Variants in FAAP100 observed in about 807,000 individuals in gnomAD.
FAAP100 encodes FA core complex associated protein 100.
Under a neutral mutation model 65.8 loss-of-function variants are expected in FAAP100, and 46 were observed. The ratio of observed to expected loss-of-function variants is 0.70; its 90% CI spans 0.55 to 0.89. The LOEUF (loss-of-function observed/expected upper bound fraction) is 0.89. Ranked by LOEUF, FAAP100 falls within the 40% of genes least tolerant of loss-of-function variation. The pLI, the probability that FAAP100 is intolerant of heterozygous loss-of-function variation, is 0.00. For missense variants in FAAP100, 1,165 were observed against 1,196.7 expected (o/e 0.97, Z 0.39); for synonymous variants, 663 against 555.1 (o/e 1.19, Z -2.73).
chr17:81,550,926 C>T lies in FAAP100; in HGVS notation c.568G>A (p.Ala190Thr), dbSNP rs1372429241. The change falls in exon 3 of 9, where the codon GCC becomes ACC. Residue 190 changes from alanine (A) to threonine (T), a missense_variant. By Grantham distance (58) the Ala-to-Thr change is moderately conservative. Transcript: ENST00000327787. ...PPAGVPGKPA[A>T]PHFLPVLCSV... ...CACAGCACTGGAAGGAAGTGGGGGG[C>T]TGCAGGCTTTCCTGGGACCCCGGCT... The T allele has an allele frequency of 6.2e-7, 1 of 1,612,408 alleles. No individual in the cohort carries two copies. The highest frequency in any genetic ancestry group is 8.5e-7 in the Non-Finnish European group (1 of 1,179,782).
rs1327864092 is a variant in FAAP100, at chr17:81,540,900, A to G, written c.2565T>C (p.Asp855=). ...QTLRDRLCTE[D]EASSCATAQR... ...GGGCGGTGGCACAGGAGCTGGCCTC[A>G]TCCTCCGTGCAGAGCCGGTCGCGCA... The change falls in exon 9 of 9, where the codon GAT becomes GAC. Residue 855 remains aspartate, a synonymous_variant. Transcript: ENST00000327787. 7 of 1,589,798 alleles carry G rather than the reference A, an allele frequency of 4.4e-6. No homozygotes were observed. The highest frequency in any genetic ancestry group is 6.0e-6 in the Non-Finnish European group (7 of 1,172,428).
At chr17:81,541,437 C>CA in intron 7 of FAAP100, 42 bp from the exon 8 acceptor site, 1 of 1,511,244 alleles carries the variant, frequency 6.6e-7, no homozygotes, top group Non-Finnish European at 9.1e-7. Flanking sequence ...TGTGCCCCAG[C>CA]ACCTGCCCCC....
At chr17:81,541,723 C>T (rs559386959) in intron 7 of FAAP100, among the ~76,000 whole-genome samples, 17 of 152,318 alleles carry the variant, frequency 1.1e-4, no homozygotes, top group Non-Finnish European at 1.3e-4. Flanking sequence ...TTCTCCCATC[C>T]TGGGCTTCAG....
At chr17:81,544,789 C>A (rs11870015) in intron 6 of FAAP100, among the ~76,000 whole-genome samples, 95,019 of 152,158 alleles carry the variant, frequency 0.62, 30,290 homozygotes, top group South Asian at 0.71. Context: ...ACCGACCTGC[C>A]GGGCCACCAA....
At position 81,552,322 on chromosome 17, in the gene FAAP100, G is replaced by A; in HGVS notation, c.9C>T (p.Gly3=). The A allele has an allele frequency of 3.6e-6, 5 of 1,392,662 alleles. No individual in the cohort carries two copies. Among genetic ancestry groups the A allele is most frequent in the South Asian group, 1.6e-5 (1 of 63,680 alleles). 86.3% of individuals were successfully genotyped at this position (1,392,662 alleles called of 1,614,324 possible). MA[G]AAPRVRYLAG... ...CCAGGTAGCGGACCCGCGGCGCGGC[G>A]CCGGCCATCGTGCGCGCGGGCCCGT... The change falls in exon 1 of 9, where the codon GGC becomes GGT. Residue 3 remains glycine (G), a synonymous_variant. Transcript: ENST00000327787.
In FAAP100 at chr17:81,540,470, C is replaced by T. The variant is rs1272162260; in HGVS notation, c.*349G>A. On this transcript the variant is annotated 3_prime_UTR_variant, in exon 9 of 9. Transcript: ENST00000327787. The stretch of plus-strand genomic sequence containing the variant: ...GGCCCTCCGGGTCCAGAATGCCCTG[C>T]ACTGCCTCCTGGCCTCAGGGGCTGC... 13 of 407,514 alleles carry T rather than the reference C, an allele frequency of 3.2e-5. No individual in the cohort carries two copies. The highest frequency in any genetic ancestry group is 2.3e-4 in the African/African-American group (11 of 48,856). The allele number at this position is 407,514 out of a possible 1,614,324, so 25.2% of individuals were successfully genotyped here.
chr17:81,544,866 T>C (rs1488264258), intron 6 of FAAP100, among the ~76,000 whole-genome samples: 11 of 152,304 alleles, frequency 7.2e-5, no homozygotes, highest in Non-Finnish European at 7.3e-5. Context: ...GGCCGAGGCT[T>C]GATTCCAAGT....
chr17:81,549,332 T>C lies in FAAP100; in HGVS notation c.1277A>G (p.Lys426Arg). ...GGTKLLALSAKGRLMTCSLDL... is the reference protein window; with the variant it reads ...GGTKLLALSARGRLMTCSLDL... ...CAGGCTGCAGGTCATCAGGCGGCCT[T>C]TGGCGGACAGGGCCAGGAGCTTGGT... The change falls in exon 4 of 9, where the codon AAA (lysine) becomes AGA (arginine). Residue 426 changes from lysine (K) to arginine (R), a missense_variant. Physicochemically the swap from Lys to Arg is conservative, Grantham distance 26. Coordinates refer to ENST00000327787, the MANE Select transcript of FAAP100 (RefSeq NM_025161.6). 1 of 1,611,788 alleles carries C rather than the reference T, an allele frequency of 6.2e-7. No homozygotes were observed. The highest frequency in any genetic ancestry group is 8.5e-7 in the Non-Finnish European group (1 of 1,179,496).
rs866692090 is a variant in FAAP100 at position 81,540,812 on chromosome 17, C to T, written c.*7G>A. The T allele has an allele frequency of 1.8e-5, 27 of 1,513,048 alleles. No individual in the cohort carries two copies. Among genetic ancestry groups the T allele is most frequent in the Middle Eastern group, 3.7e-4 (2 of 5,348 alleles). The allele number at this position is 1,513,048 out of a possible 1,614,324, so 93.7% of individuals were successfully genotyped here. ...CGTGGCCAGAGCCCAGGGGCAGGCC[C>T]GCCTGGTCACAGCAGGATGAGGCTG... On this transcript the variant is annotated 3_prime_UTR_variant, in exon 9 of 9. Coordinates refer to ENST00000327787, the MANE Select transcript of FAAP100 (RefSeq NM_025161.6).
At chr17:81,549,690 T>C (rs2033424310) in intron 3 of FAAP100, among the ~76,000 whole-genome samples, 1 of 152,182 alleles carries the variant, frequency 6.6e-6, no homozygotes, top group African/African-American at 2.4e-5. Flanking sequence ...TGAGCACACT[T>C]GGGGAAGTGC....
chr17:81,549,142 C>A, intron 4 of FAAP100, 64 bp downstream of exon 4: 1 of 1,582,706 alleles, frequency 6.3e-7, no homozygotes, highest in Non-Finnish European at 8.6e-7. Context: ...CGACCCCACA[C>A]AGGGACGCTA....
rs748660384 is a variant in FAAP100 at position 81,548,078 on chromosome 17, C to T, written c.1404-400G>A. The T allele has an allele frequency of 4.6e-6, 3 of 645,486 alleles. No individual in the cohort carries two copies. In the East Asian group the frequency reaches 8.2e-5, roughly 18 times the overall value. The allele number at this position is 645,486 out of a possible 1,614,324, so 40.0% of individuals were successfully genotyped here. ...TGTTCCTAGTGGGCCTCTTTTCTCC[C>T]TTGCAGCCTTCACAGTGAAAACCAG... is the stretch of plus-strand genomic sequence containing the variant. On this transcript the variant is annotated intron_variant, in intron 4 of 8. Transcript: ENST00000327787.
At chr17:81,548,199 C>T in intron 4 of FAAP100, 1 of 590,812 alleles carries the variant, frequency 1.7e-6, no homozygotes, top group Non-Finnish European at 3.0e-6. Context: ...GTGAGGGGAG[C>T]AGGGGAGGCT....
rs1210700013 is a variant in FAAP100 at position 81,551,108 on chromosome 17, G to A, written c.386C>T (p.Ala129Val). The A allele has an allele frequency of 3.5e-5, 54 of 1,556,528 alleles. No individual in the cohort carries two copies. Among genetic ancestry groups the A allele is most frequent in the South Asian group, 4.7e-5 (4 of 84,864 alleles). Reference sequence around the variant, plus strand: ...GTCCAGCAAGGTGAACGCGCACAGCGCAGCATCGGGAAGGATGCAGGCATC... The same window carrying A: ...GTCCAGCAAGGTGAACGCGCACAGCACAGCATCGGGAAGGATGCAGGCATC... ...DPDACILPDA[A>V]LCAFTLLDSV... The change falls in exon 3 of 9, where the codon GCG (alanine) becomes GTG (valine). Residue 129 changes from alanine to valine, a missense_variant. Transcript: ENST00000327787.
At position 81,540,718 on chromosome 17, in the gene FAAP100, C is replaced by G; in HGVS notation, c.*101G>C. 2 of 1,376,186 alleles carry G rather than the reference C, an allele frequency of 1.5e-6. No individual in the cohort carries two copies. Among genetic ancestry groups the G allele is most frequent in the Non-Finnish European group, 1.9e-6 (2 of 1,057,450 alleles). 85.2% of individuals were successfully genotyped at this position (1,376,186 alleles called of 1,614,324 possible). A position where few individuals can be genotyped will look rare whatever the true frequency, so the allele number is the denominator to read the frequency against. On this transcript the variant is annotated 3_prime_UTR_variant, in exon 9 of 9. Coordinates refer to ENST00000327787, the MANE Select transcript of FAAP100 (RefSeq NM_025161.6). ...GGCCAGGTCCTACCTTCCCTGACGG[C>G]TCTGGCCAGGCCAGCTCGGTTTCCC...
rs1348130989 is a variant in FAAP100, at chr17:81,551,092, G to C, written c.402C>G (p.Thr134=). The change falls in exon 3 of 9, where the codon ACC becomes ACG. Residue 134 remains threonine, a synonymous_variant. Transcript: ENST00000327787. ...ILPDAALCAF[T]LLDSVLVTLV... is the part of the protein sequence containing the mutation. The stretch of plus-strand genomic sequence containing the variant: ...GGGTGACCAGCACACTGTCCAGCAA[G>C]GTGAACGCGCACAGCGCAGCATCGG... The C allele has an allele frequency of 6.4e-7, 1 of 1,569,266 alleles. No individual in the cohort carries two copies. The highest frequency in any genetic ancestry group is 8.6e-7 in the Non-Finnish European group (1 of 1,157,392).
chr17:81,545,914 C>G (rs2033282430), intron 5 of FAAP100, 32 bp from the exon 6 acceptor site: 3 of 1,589,068 alleles, frequency 1.9e-6, no homozygotes, highest in African/African-American at 2.8e-5. Flanking sequence ...AGAGCTCAGC[C>G]TGATCCTACC....
Position 81,540,536 on chromosome 17 carries a change from T to C in FAAP100, c.*283A>G, listed in dbSNP as rs1364899964. ...GCTGCCCAGCAGTGAGGAAGGCGAG[T>C]GCAGGGGCTGCGGCCGCGGTCAGAG... On this transcript the variant is annotated 3_prime_UTR_variant, in exon 9 of 9. Transcript: ENST00000327787. 9.3e-6 allele frequency: 4 copies of C among 430,408 alleles called. No homozygotes were observed. The highest frequency in any genetic ancestry group is 1.6e-5 in the Non-Finnish European group (4 of 244,698). 26.7% of individuals were successfully genotyped at this position (430,408 alleles called of 1,614,324 possible).
chr17:81,547,196 G>A lies in FAAP100; in HGVS notation c.1886C>T (p.Ser629Phe). ...ACCCTCTTGCTCGGGCAGGACGTCG[G>A]AGGGGCACTCATCCAGAAAGGGGTC... ...SEDPFLDECPSDVLPEQEGVC... is the reference protein window; with the variant it reads ...SEDPFLDECPFDVLPEQEGVC... The change falls in exon 5 of 9, where the codon TCC becomes TTC. Residue 629 changes from serine (S) to phenylalanine (F), a missense_variant. Physicochemically the swap from Ser to Phe is radical, Grantham distance 155 (BLOSUM62 -2). Transcript: ENST00000327787. 10 of 1,561,342 alleles carry A rather than the reference G, an allele frequency of 6.4e-6. No individual in the cohort carries two copies. Among genetic ancestry groups the A allele is most frequent in the Non-Finnish European group, 7.8e-6 (9 of 1,151,176 alleles).
Sources: allele counts gnomAD v4.1 joint callset (sites outside exome capture counted in the v4.1 genomes callset), GRCh38; gene constraint gnomAD v4.1.1; transcripts MANE v1.5; gene names NCBI Gene and HGNC (gene_info 2026-07-23, HGNC 2026-07-21).